Variants in FUT9 observed in about 807,000 individuals in gnomAD.
FUT9 encodes 4-galactosyl-N-acetylglucosaminide 3-alpha-L-fucosyltransferase 9.
Under a neutral mutation model 29.7 loss-of-function variants are expected in FUT9, and 15 were observed. That is an observed-to-expected ratio of 0.51 (90% CI 0.34 to 0.78). The LOEUF (loss-of-function observed/expected upper bound fraction) is 0.78. Ranked by LOEUF, FUT9 falls within the 30% of genes least tolerant of loss-of-function variation. The pLI, the probability that FUT9 is intolerant of heterozygous loss-of-function variation, is 0.01. For synonymous variants in FUT9, 169 were observed against 153.7 expected (o/e 1.10, Z -0.74); for missense variants, 319 against 425.4 (o/e 0.75, Z 2.20).
chr6:96,044,341 A>T (rs1049173193), intron 1 of FUT9, among the ~76,000 whole-genome samples: 4 of 152,238 alleles, frequency 2.6e-5, no homozygotes, highest in Non-Finnish European at 4.4e-5. Flanking sequence ...TTGTTGGCAC[A>T]AAGAGACAGA....
At chr6:96,094,853 G>A (rs1349435450) in intron 1 of FUT9, among the ~76,000 whole-genome samples, 4 of 151,908 alleles carry the variant, frequency 2.6e-5, no homozygotes, top group Non-Finnish European at 4.4e-5. Flanking sequence ...CATTGTTGTT[G>A]TTATTTCAAT....
chr6:96,127,863 T>C (rs990530497), intron 2 of FUT9, among the ~76,000 whole-genome samples: 1 of 152,210 alleles, frequency 6.6e-6, no homozygotes, highest in Non-Finnish European at 1.5e-5. Context: ...TTGCCCACTT[T>C]TAAAGGGGTT....
At chr6:96,164,897 T>C (rs762644682) in intron 2 of FUT9, among the ~76,000 whole-genome samples, 9 of 152,210 alleles carry the variant, frequency 5.9e-5, no homozygotes, top group Non-Finnish European at 1.0e-4. Flanking sequence ...AGATGTTCAA[T>C]AGCCATGTAT....
At chr6:96,090,350 GAT>G (rs975363463) in intron 1 of FUT9, among the ~76,000 whole-genome samples, 37 of 151,740 alleles carry the variant, frequency 2.4e-4, no homozygotes, top group African/African-American at 7.5e-4. Flanking sequence ...TTTTTTGTGA[GAT>G]ATTAATTTTT....
At chr6:96,194,372 C>A (rs80205242) in intron 2 of FUT9, among the ~76,000 whole-genome samples, 1 of 152,094 alleles carries the variant, frequency 6.6e-6, no homozygotes, top group East Asian at 1.9e-4. Context: ...TAGTGCCATC[C>A]TTTGAGGACT....
chr6:96,023,004 A>C (rs1417024102), intron 1 of FUT9, among the ~76,000 whole-genome samples: 1 of 151,910 alleles, frequency 6.6e-6, no homozygotes, highest in Non-Finnish European at 1.5e-5. Flanking sequence ...TCACAGGTTA[A>C]TTAGGGATGT....
At position 96,063,518 on chromosome 6, in the gene FUT9, G is replaced by A. The variant is rs576927019; in HGVS notation, c.-98+47306G>A. The stretch of plus-strand genomic sequence containing the variant: ...TAGCTCAAGCCATTCAGGGGCATTC[G>A]GGGGCATGATCCAGACACCTCCCAC... On this transcript the variant is annotated intron_variant, in intron 1 of 2. Transcript: ENST00000302103. 4.0e-4 allele frequency among the ~76,000 whole-genome samples: 61 copies of A among 152,204 alleles called. 4 individuals are homozygous for A. In the South Asian group the frequency reaches 0.011, roughly 29 times the overall value.
At chr6:96,053,424 A>T (rs1038222382) in intron 1 of FUT9, among the ~76,000 whole-genome samples, 1 of 152,172 alleles carries the variant, frequency 6.6e-6, no homozygotes, top group Non-Finnish European at 1.5e-5. Context: ...AAATAAATTT[A>T]TAGGCCTGGT....
At chr6:96,180,941 A>AG (rs1773295582) in intron 2 of FUT9, among the ~76,000 whole-genome samples, 2 of 151,558 alleles carry the variant, frequency 1.3e-5, no homozygotes, top group Admixed American at 6.6e-5. Context: ...AAAAGAAAAA[A>AG]AAAAGAAAAG....
At chr6:96,130,664 T>C (rs1402667906) in intron 2 of FUT9, among the ~76,000 whole-genome samples, 1 of 152,212 alleles carries the variant, frequency 6.6e-6, no homozygotes, top group Non-Finnish European at 1.5e-5. Context: ...AAAGTAATTC[T>C]TTTTCCTCCT....
intron 1 of FUT9, among the ~76,000 whole-genome samples, chr6:96,070,821 T>A (rs1771047396): frequency 6.6e-6 from 1 of 152,196 alleles, no homozygotes; most frequent in Non-Finnish European, 1.5e-5. Flanking sequence ...TATGTATATG[T>A]ATAATATATC....
intron 1 of FUT9, among the ~76,000 whole-genome samples, chr6:96,086,789 C>T (rs1465768883): frequency 6.6e-6 from 1 of 152,116 alleles, no homozygotes; most frequent in African/African-American, 2.4e-5. Flanking sequence ...TTTGCATTTT[C>T]TCAGTTAGTT....
At chr6:96,023,561 T>A (rs1770110759) in intron 1 of FUT9, among the ~76,000 whole-genome samples, 2 of 151,902 alleles carry the variant, frequency 1.3e-5, no homozygotes, top group Admixed American at 1.3e-4. Flanking sequence ...TTGGTGGCTA[T>A]GTTGTGACTT....
At chr6:96,140,293 G>A (rs966934858) in intron 2 of FUT9, among the ~76,000 whole-genome samples, 1 of 152,128 alleles carries the variant, frequency 6.6e-6, no homozygotes, top group African/African-American at 2.4e-5. Flanking sequence ...AAGTCTCTAG[G>A]AAGTCTCAAA....
Position 96,211,335 on chromosome 6 carries a change from A to T in FUT9, c.*7100A>T. The T allele has an allele frequency of 6.0e-6, 1 of 166,974 alleles. No homozygotes were observed. The allele number at this position is 166,974 out of a possible 1,614,324, so 10.3% of individuals were successfully genotyped here. A position where few individuals can be genotyped will look rare whatever the true frequency, so the allele number is the denominator to read the frequency against. ...AAATTTGTAGTCAATTTAACTTATT[A>T]TCAGTTGGTATAGCGCATGTCACAG... On this transcript the variant is annotated 3_prime_UTR_variant, in exon 3 of 3. Coordinates refer to ENST00000302103, the MANE Select transcript of FUT9 (RefSeq NM_006581.4).
chr6:96,184,850 T>C (rs1230580600), intron 2 of FUT9, among the ~76,000 whole-genome samples: 1 of 152,110 alleles, frequency 6.6e-6, no homozygotes, highest in East Asian at 1.9e-4. Context: ...GATTGTTGTA[T>C]AGCTTATGTG....
At chr6:96,154,662 T>C (rs1772742203) in intron 2 of FUT9, among the ~76,000 whole-genome samples, 2 of 152,202 alleles carry the variant, frequency 1.3e-5, no homozygotes, top group Non-Finnish European at 2.9e-5. Flanking sequence ...TTAACTTTTT[T>C]TGTGCCTGCA....
intron 1 of FUT9, among the ~76,000 whole-genome samples, chr6:96,060,592 A>G (rs1260665809): frequency 6.6e-6 from 1 of 151,164 alleles, no homozygotes; most frequent in Non-Finnish European, 1.5e-5. Flanking sequence ...GCTGGAGCAC[A>G]GTTGCGCTAT....
intron 1 of FUT9, among the ~76,000 whole-genome samples, chr6:96,025,795 AT>A (rs1770157475): frequency 6.6e-6 from 1 of 151,606 alleles, no homozygotes; most frequent in Non-Finnish European, 1.5e-5. Context: ...AGGGTCTGAG[AT>A]TTTTCTCTGC....
Sources: gnomAD v4.1 joint callset for allele counts (sites outside exome capture counted in the v4.1 genomes callset) on GRCh38, gnomAD v4.1.1 for gene constraint, MANE v1.5 for transcripts, NCBI Gene and HGNC (gene_info 2026-07-23, HGNC 2026-07-21) for gene names.